Variants in BDP1 observed in about 807,000 individuals in gnomAD.
BDP1 encodes transcription factor TFIIIB component B'' homolog.
Under a neutral mutation model 266.6 loss-of-function variants are expected in BDP1, and 169 were observed. The observed-to-expected ratio is 0.63, with a 90% CI of 0.56 to 0.72. The LOEUF (loss-of-function observed/expected upper bound fraction) is 0.72. BDP1 is among the 30% of genes least tolerant of loss of function. BDP1 has a pLI of 0.00. For missense variants in BDP1, 3,015 were observed against 3,053.8 expected (o/e 0.99, Z 0.30); for synonymous variants, 1,090 against 1,022.4 (o/e 1.07, Z -1.26).
At chr5:71,506,818 CA>C (rs376040796) in intron 16 of BDP1, among the ~76,000 whole-genome samples, 37,357 of 140,216 alleles carry the variant, frequency 0.27, 5,431 homozygotes, top group Admixed American at 0.39. Flanking sequence ...CACACACACA[CA>C]CACACCCATA....
chr5:71,534,332 G>A lies in BDP1; in HGVS notation c.5892+1905G>A, dbSNP rs544869246. Among the ~76,000 whole-genome samples, 17 of 152,112 alleles carry A rather than the reference G, an allele frequency of 1.1e-4. No individual in the cohort carries two copies. The South Asian group carries it at 2.7e-3, about 24-fold the overall frequency. ...CCATTTGTCCTATCACCATTTATTC[G>A]AAAAGACTATTCTTTCCCCATTGAA... On this transcript the variant is annotated intron_variant, in intron 26 of 38. Transcript: ENST00000358731.
chr5:71,525,712 G>A (rs1486159647), intron 25 of BDP1, among the ~76,000 whole-genome samples: 4 of 149,046 alleles, frequency 2.7e-5, no homozygotes, highest in African/African-American at 7.4e-5. Context: ...CCTTCCGGAC[G>A]GGGCGGCTGG....
intron 7 of BDP1, among the ~76,000 whole-genome samples, chr5:71,481,380 A>G (rs1007540072): frequency 8.2e-6 from 1 of 122,266 alleles, no homozygotes; most frequent in Non-Finnish European, 1.6e-5. Context: ...GCAAGATCCC[A>G]TCTCTACAAA....
chr5:71,544,022 T>C (rs190478160), intron 30 of BDP1, among the ~76,000 whole-genome samples: 1 of 152,352 alleles, frequency 6.6e-6, no homozygotes, highest in Admixed American at 6.5e-5. Flanking sequence ...TCCTCTAAAG[T>C]GGAACTAGCC....
chr5:71,577,077 G>A, the BDP1 span, among the ~76,000 whole-genome samples: 1 of 152,116 alleles, frequency 6.6e-6, no homozygotes, highest in Admixed American at 6.5e-5. Flanking sequence ...TGTAAATCTT[G>A]CCAGTTATAT....
Position 71,539,668 on chromosome 5 carries a change from T to TGGATGAAATTGGAAA in BDP1, c.6022+19_6022+20insGGATGAAATTGGAAA. 1 of 1,545,250 alleles carries TGGATGAAATTGGAAA rather than the reference T, an allele frequency of 6.5e-7. No individual in the cohort carries two copies. The highest frequency in any genetic ancestry group is 8.8e-7 in the Non-Finnish European group (1 of 1,130,544). On this transcript the variant is annotated intron_variant, in intron 28 of 38. Coordinates refer to ENST00000358731, the MANE Select transcript of BDP1 (RefSeq NM_018429.3). The stretch of plus-strand genomic sequence containing the variant: ...GGTGATGGTAAGAATGAAAGCTAAG[T>TGGATGAAATTGGAAA]CCTATCAAAAATAGAAACTTTTAAA...
Position 71,509,820 on chromosome 5 carries a change from T to C in BDP1, c.2728T>C (p.Cys910Arg). ...TGLKAMGREI[C>R]LREKTPEVID... is the part of the protein sequence containing the mutation. Reference sequence around the variant, plus strand: ...TCTGAAAGCAATGGGAAGAGAGATTTGTCTAAGGGAGAAGACGCCAGAGGT... The same window carrying C: ...TCTGAAAGCAATGGGAAGAGAGATTCGTCTAAGGGAGAAGACGCCAGAGGT... Residue 910 changes from cysteine to arginine, a missense_variant, in exon 17 of 39, where the codon TGT becomes CGT. Coordinates refer to ENST00000358731, the MANE Select transcript of BDP1 (RefSeq NM_018429.3). 6.2e-7 allele frequency: 1 copy of C among 1,613,932 alleles called. No individual in the cohort carries two copies.
chr5:71,573,797 T>C, the BDP1 span, among the ~76,000 whole-genome samples: 5 of 152,290 alleles, frequency 3.3e-5, no homozygotes, highest in African/African-American at 1.2e-4. Context: ...TTATCAGCAG[T>C]GTGTACAGGC....
intron 8 of BDP1, among the ~76,000 whole-genome samples, chr5:71,484,701 T>C (rs1274863489): frequency 6.6e-6 from 1 of 152,218 alleles, no homozygotes; most frequent in Non-Finnish European, 1.5e-5. Context: ...TATTTTTTGA[T>C]TACAAGATAG....
At position 71,512,164 on chromosome 5, in the gene BDP1, G is replaced by A. The variant is rs418738; in HGVS notation, c.4060-77G>A. On this transcript the variant is annotated intron_variant, in intron 17 of 38. Coordinates refer to ENST00000358731, the MANE Select transcript of BDP1 (RefSeq NM_018429.3). ...TTTAAAGGAAAGTGTTTAGAATTTAGTAGACTTTTGTTTTAAATATATAAG... is the reference window on the plus strand; with the variant it reads ...TTTAAAGGAAAGTGTTTAGAATTTAATAGACTTTTGTTTTAAATATATAAG... The A allele has an allele frequency of 0.44, 300,724 of 682,746 alleles. 67,379 individuals are homozygous for A. Among genetic ancestry groups the A allele is most frequent in the South Asian group, 0.48 (9,093 of 19,106 alleles). 42.3% of individuals were successfully genotyped at this position (682,746 alleles called of 1,614,324 possible).
chr5:71,573,643 G>A, the BDP1 span, among the ~76,000 whole-genome samples: 6 of 152,210 alleles, frequency 3.9e-5, no homozygotes, highest in African/African-American at 7.2e-5. Flanking sequence ...CATATCTGAC[G>A]TGGAATTTAA....
At chr5:71,537,150 A>C (rs2652613) in intron 26 of BDP1, among the ~76,000 whole-genome samples, 1 of 15,880 alleles carries the variant, frequency 6.3e-5, no homozygotes, top group South Asian at 2.6e-3. Context: ...CCAAAAAACC[A>C]AAAAAAAAAA....
chr5:71,524,361 C>T (rs1765661108), intron 25 of BDP1, 38 bp downstream of exon 25: 2 of 1,533,764 alleles, frequency 1.3e-6, no homozygotes, highest in Admixed American at 2.1e-5. Context: ...CTTTATCTTA[C>T]TTGGTTTTCA....
Position 71,553,226 on chromosome 5 carries a change from G to T in BDP1, c.7106G>T (p.Arg2369Ile). Reference protein sequence around the residue: ...PDNLDLVSRKRFQCRLDKNDH... With the variant: ...PDNLDLVSRKIFQCRLDKNDH... ...AATTTGGATCTTGTATCTAGGAAGA[G>T]ATTTCAATGCAGGCTTGATAAAAAT... The change falls in exon 35 of 39, where the codon AGA (arginine) becomes ATA (isoleucine). Residue 2369 changes from arginine to isoleucine, a missense_variant. Coordinates refer to ENST00000358731, the MANE Select transcript of BDP1 (RefSeq NM_018429.3). The T allele has an allele frequency of 6.2e-7, 1 of 1,613,414 alleles. No individual in the cohort carries two copies. Among genetic ancestry groups the T allele is most frequent in the Non-Finnish European group, 8.5e-7 (1 of 1,179,946 alleles).
intron 7 of BDP1, among the ~76,000 whole-genome samples, chr5:71,480,912 C>A (rs1762915581): frequency 6.6e-6 from 1 of 152,306 alleles, no homozygotes; most frequent in African/African-American, 2.4e-5. Context: ...CGTAGTGGCT[C>A]ATGCCTGTAG....
intron 21 of BDP1, 150 bp from the exon 22 acceptor site, chr5:71,517,172 G>A: frequency 1.5e-6 from 1 of 649,614 alleles, no homozygotes; most frequent in Non-Finnish European, 2.5e-6. Flanking sequence ...GACTAGCCTG[G>A]GCAGTATGAT....
At chr5:71,572,838 T>G in the BDP1 span, among the ~76,000 whole-genome samples, 2,333 of 152,334 alleles carry the variant, frequency 0.015, 70 homozygotes, top group African/African-American at 0.053. Context: ...TAATTTGTAC[T>G]GTACTTCTAC....
the BDP1 span, among the ~76,000 whole-genome samples, chr5:71,577,015 GT>G: frequency 6.6e-6 from 1 of 152,144 alleles, no homozygotes; most frequent in African/African-American, 2.4e-5. Context: ...ATCCTTATGT[GT>G]TTTTGGCAGC....
intron 7 of BDP1, among the ~76,000 whole-genome samples, chr5:71,481,277 G>A (rs1004460482): frequency 2.0e-5 from 3 of 151,280 alleles, no homozygotes; most frequent in African/African-American, 4.9e-5. Context: ...TGGGCCAGGC[G>A]CGGTGGTTCA....
Sources: allele counts gnomAD v4.1 joint callset (sites outside exome capture counted in the v4.1 genomes callset), GRCh38; gene constraint gnomAD v4.1.1; transcripts MANE v1.5; gene names NCBI Gene and HGNC (gene_info 2026-07-23, HGNC 2026-07-21).